The following NID2 variants were observed in gnomAD, a reference collection of about 807,000 sequenced individuals.
NID2 encodes the protein nidogen-2.
In NID2, 83 loss-of-function variants were observed where a neutral mutation model predicts 145.4. That is an observed-to-expected ratio of 0.57 (90% confidence interval 0.48 to 0.69). NID2 has a LOEUF of 0.69. NID2 is among the 30% of genes least tolerant of loss of function. The probability of loss-of-function intolerance (pLI) is 0.00; values close to 1 mark genes in which losing one functional copy is unlikely to be tolerated. For missense variants in NID2, 1,807 were observed against 1,765.7 expected (o/e 1.02, Z -0.42); for synonymous variants, 739 against 701.3 (o/e 1.05, Z -0.85).
chr14:52,007,370 C>T (rs1211945159), intron 19 of NID2: 1 of 179,844 alleles, frequency 5.6e-6, no homozygotes. Flanking sequence ...CTGATAAAAG[C>T]AAACAAATGT....
chr14:52,024,127 C>T (rs1595015757), intron 12 of NID2, among the ~76,000 whole-genome samples: 2 of 152,192 alleles, frequency 1.3e-5, no homozygotes, highest in East Asian at 3.8e-4. Flanking sequence ...TCTACTACTC[C>T]ACAATCTGAA....
At chr14:52,044,371 G>A (rs113253928) in intron 5 of NID2, among the ~76,000 whole-genome samples, 5 of 140,788 alleles carry the variant, frequency 3.6e-5, no homozygotes, top group African/African-American at 1.1e-4. Flanking sequence ...CCAGGTTCAC[G>A]CCATTCTCTT....
chr14:52,053,969 G>T (rs202132766), intron 4 of NID2, 31 bp from the exon 5 acceptor site: 304 of 1,611,712 alleles, frequency 1.9e-4, no homozygotes, highest in Non-Finnish European at 2.4e-4. Flanking sequence ...CAATAAGTAG[G>T]TGTTGGATGC....
At chr14:52,011,776 CA>C in intron 16 of NID2, 93 bp from the exon 17 acceptor site, 8 of 1,390,272 alleles carry the variant, frequency 5.8e-6, no homozygotes, top group Non-Finnish European at 8.0e-6. Flanking sequence ...CTGCAGTGAG[CA>C]ACACTGCACT....
chr14:52,054,426 G>A, intron 3 of NID2, 105 bp from the exon 4 acceptor site: 1 of 1,149,278 alleles, frequency 8.7e-7, no homozygotes. Flanking sequence ...AGACAGCTGG[G>A]CATGGTGGCT....
At chr14:52,021,430 C>T (rs993038607) in intron 12 of NID2, among the ~76,000 whole-genome samples, 14 of 152,172 alleles carry the variant, frequency 9.2e-5, no homozygotes, top group African/African-American at 3.4e-4. Context: ...CTAGAGTTAC[C>T]TGCACCACCC....
intron 11 of NID2, among the ~76,000 whole-genome samples, chr14:52,028,405 G>T (rs1891671194): frequency 6.6e-6 from 1 of 152,056 alleles, no homozygotes; most frequent in Non-Finnish European, 1.5e-5. Context: ...CTCCTGAGTA[G>T]CTGGGACTAC....
chr14:52,057,369 T>A (rs1380471531), intron 3 of NID2, among the ~76,000 whole-genome samples: 1 of 152,174 alleles, frequency 6.6e-6, no homozygotes, highest in Non-Finnish European at 1.5e-5. Flanking sequence ...TACTAAGGCA[T>A]TTAGCAATGA....
In NID2 at chr14:52,042,277, A is replaced by G. The variant is rs1438468702; in HGVS notation, c.1653T>C (p.Asp551=). 6.8e-6 allele frequency: 11 copies of G among 1,614,230 alleles called. No homozygotes were observed. In the South Asian group the frequency reaches 1.2e-4, roughly 18 times the overall value. Residue 551 remains aspartate (D), a synonymous_variant, in exon 7 of 22, where the codon GAT becomes GAC. Transcript: ENST00000216286. ...CCACGATATACGCATGCAGGTCCAC[A>G]TCAGTGAAGTGCACGGGTGTATGGC... The part of the protein sequence containing the change: ...HVGHTPVHFT[D]VDLHAYIVGN...
chr14:52,018,298 T>C (rs1347902450), intron 14 of NID2, among the ~76,000 whole-genome samples: 1 of 152,232 alleles, frequency 6.6e-6, no homozygotes, highest in Non-Finnish European at 1.5e-5. Context: ...AATCCTATGC[T>C]CTTCATTAAA....
intron 18 of NID2, 96 bp from the exon 19 acceptor site, chr14:52,008,063 T>C: frequency 2.0e-6 from 2 of 978,468 alleles, no homozygotes; most frequent in Non-Finnish European, 3.0e-6. Context: ...TCCTCATGTA[T>C]TATAGCCTTA....
chr14:52,021,652 A>G (rs77203104), intron 12 of NID2, among the ~76,000 whole-genome samples: 3 of 152,176 alleles, frequency 2.0e-5, no homozygotes, highest in Non-Finnish European at 4.4e-5. Context: ...TCCTCCCCCA[A>G]AAATTCTGAA....
chr14:52,011,144 G>C lies in NID2; in HGVS notation c.3551-97C>G, dbSNP rs10146988. 2,049 of 1,195,202 alleles carry C rather than the reference G, an allele frequency of 1.7e-3. 30 individuals are homozygous for C. The African/African-American group carries it at 0.028, about 16-fold the overall frequency. 74.0% of individuals were successfully genotyped at this position (1,195,202 alleles called of 1,614,324 possible). ...TCGGGTGGGCAGGGGGGTCAGCAGGGGAAAGCAAAGCCCAAGTGTCTCCAA... is the reference window on the plus strand; with the variant it reads ...TCGGGTGGGCAGGGGGGTCAGCAGGCGAAAGCAAAGCCCAAGTGTCTCCAA... On this transcript the variant is annotated intron_variant, in intron 17 of 21. Transcript: ENST00000216286.
At chr14:52,048,388 C>A (rs1054363482) in intron 5 of NID2, among the ~76,000 whole-genome samples, 1 of 152,158 alleles carries the variant, frequency 6.6e-6, no homozygotes, top group African/African-American at 2.4e-5. Context: ...CTCCGGCCAA[C>A]GTGACTGCTC....
At chr14:52,031,447 A>G (rs546055149) in intron 9 of NID2, among the ~76,000 whole-genome samples, 1 of 152,280 alleles carries the variant, frequency 6.6e-6, no homozygotes, top group South Asian at 2.1e-4. Flanking sequence ...AATTAACTCT[A>G]ATCTTAGACT....
intron 14 of NID2, among the ~76,000 whole-genome samples, chr14:52,017,976 G>A (rs906856680): frequency 3.9e-5 from 6 of 152,058 alleles, no homozygotes; most frequent in Non-Finnish European, 8.8e-5. Flanking sequence ...GTGCCACCAC[G>A]CCCAGCTAAT....
At chr14:52,054,879 G>A (rs1892797158) in intron 3 of NID2, among the ~76,000 whole-genome samples, 1 of 152,182 alleles carries the variant, frequency 6.6e-6, no homozygotes, top group African/African-American at 2.4e-5. Flanking sequence ...CAGAATGCCA[G>A]ATCATCAAAT....
chr14:52,041,148 C>CA (rs1308021869), intron 7 of NID2, among the ~76,000 whole-genome samples: 4 of 150,440 alleles, frequency 2.7e-5, no homozygotes, highest in Admixed American at 2.6e-4. Context: ...CTAGACTTAG[C>CA]AAAAAACAAA....
rs566841259 is a variant in NID2 at position 52,035,765 on chromosome 14, G to A, written c.2257+2982C>T. On this transcript the variant is annotated intron_variant, in intron 9 of 21. Coordinates refer to ENST00000216286, the MANE Select transcript of NID2 (RefSeq NM_007361.4). ...ACAATCTTGGCTCACTGCAACCTCC[G>A]CCTCCTGGGTTCAATCAGTTCTCCT... 9.3e-5 allele frequency among the ~76,000 whole-genome samples: 14 copies of A among 151,290 alleles called. No homozygotes were observed. In the East Asian group the frequency reaches 1.7e-3, roughly 19 times the overall value.
Sources: gnomAD v4.1 joint callset for allele counts (sites outside exome capture counted in the v4.1 genomes callset) on GRCh38, gnomAD v4.1.1 for gene constraint, MANE v1.5 for transcripts, NCBI Gene and HGNC (gene_info 2026-07-23, HGNC 2026-07-21) for gene names.